The following SPAG6 variants were observed in gnomAD, a reference collection of about 807,000 sequenced individuals.
SPAG6 encodes sperm-associated antigen 6.
Under a neutral mutation model 58.5 loss-of-function variants are expected in SPAG6, and 49 were observed. The ratio of observed to expected loss-of-function variants is 0.84; its 90% confidence interval spans 0.67 to 1.06. The LOEUF (loss-of-function observed/expected upper bound fraction) is 1.06. SPAG6 is among the 50% of genes least tolerant of loss of function. The pLI, the probability that SPAG6 is intolerant of heterozygous loss-of-function variation, is 0.00. For synonymous variants in SPAG6, 233 were observed against 225.6 expected, an observed-to-expected ratio of 1.03 and a Z score of -0.29; for missense variants, 560 against 611.3, an observed-to-expected ratio of 0.92 and a Z score of 0.89.
intron 2 of SPAG6, among the ~76,000 whole-genome samples, chr10:22,356,903 T>C (rs1267189309): frequency 6.6e-6 from 1 of 152,240 alleles, no homozygotes; most frequent in Non-Finnish European, 1.5e-5. Flanking sequence ...ATCCTGTCAC[T>C]GCACTGACAT....
chr10:22,380,540 C>T (rs1042092371), intron 4 of SPAG6, among the ~76,000 whole-genome samples: 44 of 152,048 alleles, frequency 2.9e-4, no homozygotes, highest in African/African-American at 9.9e-4. Flanking sequence ...CTCCTGGCTT[C>T]AAGCAATCTG....
intron 4 of SPAG6, among the ~76,000 whole-genome samples, chr10:22,373,799 ATATAT>A (rs1313216085): frequency 1.3e-5 from 2 of 152,166 alleles, no homozygotes; most frequent in South Asian, 2.1e-4. Context: ...GTGGGATAAC[ATATAT>A]TATATATTTC....
intron 9 of SPAG6, among the ~76,000 whole-genome samples, chr10:22,404,948 G>A (rs999159024): frequency 3.3e-5 from 5 of 150,964 alleles, no homozygotes; most frequent in Non-Finnish European, 7.4e-5. Flanking sequence ...GTCTGTTGTT[G>A]GTGTATAAGA....
intron 3 of SPAG6, 119 bp downstream of exon 3, chr10:22,365,138 C>A: frequency 1.6e-6 from 1 of 638,558 alleles, no homozygotes; most frequent in Non-Finnish European, 2.5e-6. Flanking sequence ...ACACAATCTT[C>A]AATTATCTGA....
chr10:22,352,812 A>C (rs957575709), intron 2 of SPAG6, among the ~76,000 whole-genome samples: 1 of 152,240 alleles, frequency 6.6e-6, no homozygotes, highest in Non-Finnish European at 1.5e-5. Flanking sequence ...CCCAGCAACA[A>C]AATATTTATT....
chr10:22,345,903 T>TG lies in SPAG6; in HGVS notation c.121+89dup. The TG allele has an allele frequency of 6.3e-7, 1 of 1,577,630 alleles. No homozygotes were observed. The highest frequency in any genetic ancestry group is 8.6e-7 in the Non-Finnish European group (1 of 1,162,134). On this transcript the variant is annotated intron_variant, in intron 2 of 10. Transcript: ENST00000376624. This position sits in a 1 kb window ranked among gnomAD's most constrained non-coding sequence, Gnocchi z 6.3. Reference sequence around the variant, plus strand: ...CCCGCTGCCCTGCCCGTGGAGCTCTTGGGGAGCCGCAGTGTGGGGACCGGA... The same window carrying TG: ...CCCGCTGCCCTGCCCGTGGAGCTCTTGGGGGAGCCGCAGTGTGGGGACCGGA...
chr10:22,359,067 T>C (rs1836956417), intron 2 of SPAG6, among the ~76,000 whole-genome samples: 1 of 152,222 alleles, frequency 6.6e-6, no homozygotes, highest in African/African-American at 2.4e-5. Flanking sequence ...CCTTACTCTG[T>C]TGCCTCTCAA....
intron 3 of SPAG6, 65 bp from the exon 4 acceptor site, chr10:22,368,430 T>A (rs1837255866): frequency 7.7e-7 from 1 of 1,298,582 alleles, no homozygotes; most frequent in Non-Finnish European, 1.1e-6. Flanking sequence ...AGTTTTGGTC[T>A]ATTTTAGATT....
At chr10:22,357,897 C>CT (rs1227744480) in intron 2 of SPAG6, among the ~76,000 whole-genome samples, 1 of 152,002 alleles carries the variant, frequency 6.6e-6, no homozygotes, top group Non-Finnish European at 1.5e-5. Context: ...ATCCATGTCC[C>CT]TACAAAGGAC....
chr10:22,394,484 C>A (rs183249100), intron 8 of SPAG6, among the ~76,000 whole-genome samples: 3 of 152,096 alleles, frequency 2.0e-5, no homozygotes, highest in Non-Finnish European at 2.9e-5. Flanking sequence ...ACATGCCATA[C>A]CTTTATCCAT....
Position 22,389,434 on chromosome 10 carries a change from A to C in SPAG6, c.1005+122A>C. On this transcript the variant is annotated intron_variant, in intron 7 of 10. Coordinates refer to ENST00000376624, the MANE Select transcript of SPAG6 (RefSeq NM_012443.4). ...TGGAGCAAAAAAATTACCTGAAAAA[A>C]ATTTTGATTGTTTCAATGCTTATTA... 3 of 997,516 alleles carry C rather than the reference A, an allele frequency of 3.0e-6. No homozygotes were observed. In the East Asian group the frequency reaches 7.9e-5, roughly 26 times the overall value. The allele number at this position is 997,516 out of a possible 1,614,324, so 61.8% of individuals were successfully genotyped here.
chr10:22,396,033 AG>A (rs1834284290), intron 8 of SPAG6, among the ~76,000 whole-genome samples: 1 of 152,222 alleles, frequency 6.6e-6, no homozygotes, highest in Non-Finnish European at 1.5e-5. Flanking sequence ...ATGGCTGGGA[AG>A]CCTCATGAAA....
At chr10:22,395,226 G>T (rs959292628) in intron 8 of SPAG6, among the ~76,000 whole-genome samples, 1 of 152,014 alleles carries the variant, frequency 6.6e-6, no homozygotes, top group African/African-American at 2.4e-5. Flanking sequence ...ACAAGTTTTC[G>T]TGTGGATGTA....
chr10:22,354,473 G>A (rs1270669511), intron 2 of SPAG6, among the ~76,000 whole-genome samples: 1 of 152,220 alleles, frequency 6.6e-6, no homozygotes, highest in Non-Finnish European at 1.5e-5. Context: ...CTGTGGTGAT[G>A]TAGAGTGCTA....
intron 4 of SPAG6, among the ~76,000 whole-genome samples, chr10:22,377,630 A>G (rs1015694459): frequency 4.6e-5 from 7 of 152,242 alleles, no homozygotes; most frequent in Non-Finnish European, 7.3e-5. Context: ...CTCAGGAATA[A>G]AAGTAGCCAG....
chr10:22,362,740 A>G (rs1318258696), intron 2 of SPAG6, among the ~76,000 whole-genome samples: 1 of 152,074 alleles, frequency 6.6e-6, no homozygotes, highest in Non-Finnish European at 1.5e-5. Context: ...AAACAACCCA[A>G]AAAAACAAAA....
chr10:22,358,032 T>C (rs571618408), intron 2 of SPAG6, among the ~76,000 whole-genome samples: 4 of 152,084 alleles, frequency 2.6e-5, no homozygotes, highest in East Asian at 3.9e-4. Flanking sequence ...GTGAATAGTG[T>C]CGCAATAAAC....
chr10:22,357,131 T>C (rs534999777), intron 2 of SPAG6, among the ~76,000 whole-genome samples: 1 of 152,212 alleles, frequency 6.6e-6, no homozygotes, highest in East Asian at 1.9e-4. Context: ...TTTCTCTCCA[T>C]CCCCTCCAGT....
At chr10:22,413,909 T>C (rs1264151669) in intron 10 of SPAG6, among the ~76,000 whole-genome samples, 1 of 152,204 alleles carries the variant, frequency 6.6e-6, no homozygotes, top group Non-Finnish European at 1.5e-5. Context: ...AATTATCCTT[T>C]GTAAGACAGT....
Sources: allele counts gnomAD v4.1 joint callset (sites outside exome capture counted in the v4.1 genomes callset), GRCh38; gene constraint gnomAD v4.1.1; non-coding constraint Gnocchi (gnomAD v3.1); transcripts MANE v1.5; gene names NCBI Gene and HGNC (gene_info 2026-07-23, HGNC 2026-07-21).